Variants in TTC34 observed in about 807,000 individuals in gnomAD.
TTC34 encodes the protein tetratricopeptide repeat domain 34.
In TTC34, 44 loss-of-function variants were observed where a neutral mutation model predicts 40.7. The observed-to-expected ratio is 1.08, with a 90% confidence interval of 0.85 to 1.39. The LOEUF is 1.39. Among genes scored for constraint, TTC34 ranks in the 40% most tolerant of loss-of-function variants. The probability of loss-of-function intolerance (pLI) is 0.00; values close to 1 mark genes in which losing one functional copy is unlikely to be tolerated. For missense variants in TTC34, 884 were observed against 838.0 expected (o/e 1.05, Z -0.68); for synonymous variants, 422 against 398.6 (o/e 1.06, Z -0.70).
intron 6 of TTC34, among the ~76,000 whole-genome samples, chr1:2,683,538 G>T (rs557063618): frequency 1.4e-5 from 2 of 147,608 alleles, no homozygotes; most frequent in African/African-American, 2.6e-5. Context: ...TGATGGTCTG[G>T]AGCAGCACCC....
chr1:2,686,074 C>A (rs1217550608), intron 6 of TTC34, among the ~76,000 whole-genome samples: 1 of 125,066 alleles, frequency 8.0e-6, no homozygotes. Flanking sequence ...TGGAGAAGCA[C>A]CCACACCCCC....
intron 6 of TTC34, among the ~76,000 whole-genome samples, chr1:2,692,419 C>CT (rs1429770678): frequency 9.6e-6 from 1 of 103,914 alleles, no homozygotes. Context: ...GAGCAGCACC[C>CT]ACACCCCCAG....
At chr1:2,682,008 C>T (rs1328133348) in intron 6 of TTC34, among the ~76,000 whole-genome samples, 1 of 120,028 alleles carries the variant, frequency 8.3e-6, no homozygotes, top group South Asian at 2.8e-4. Flanking sequence ...ATCAGACAGC[C>T]TGGAACAACA....
At chr1:2,640,610 C>T (rs1033740072) in exon 9 of TTC34, 1 of 152,154 alleles carries the variant, frequency 6.6e-6, no homozygotes, top group Non-Finnish European at 1.5e-5. Flanking sequence ...GGGGTATGGG[C>T]TGGCTGGGCC....
At chr1:2,778,561 T>A in intron 6 of TTC34, among the ~76,000 whole-genome samples, 1 of 152,182 alleles carries the variant, frequency 6.6e-6, no homozygotes, top group East Asian at 1.9e-4. Flanking sequence ...GAGGAACCAC[T>A]GTTCAGCCAC....
intron 6 of TTC34, among the ~76,000 whole-genome samples, chr1:2,690,457 C>G (rs1192838536): frequency 6.9e-6 from 1 of 144,010 alleles, no homozygotes; most frequent in South Asian, 2.1e-4. Flanking sequence ...ACAGCACCCA[C>G]AACCACAGGT....
chr1:2,690,587 G>A (rs71241391), intron 6 of TTC34, among the ~76,000 whole-genome samples: 2 of 120,576 alleles, frequency 1.7e-5, no homozygotes, highest in Non-Finnish European at 3.6e-5. Context: ...CACCCCCAGG[G>A]GAGCATCTGA....
At chr1:2,752,818 C>A (rs1462289399) in intron 6 of TTC34, among the ~76,000 whole-genome samples, 1 of 134,200 alleles carries the variant, frequency 7.5e-6, no homozygotes, top group Admixed American at 7.6e-5. Flanking sequence ...CCTGCATCCC[C>A]AGGTGCGCAC....
intron 6 of TTC34, among the ~76,000 whole-genome samples, chr1:2,651,340 G>C (rs1639128386): frequency 6.6e-6 from 1 of 151,942 alleles, no homozygotes; most frequent in Admixed American, 6.6e-5. Context: ...TGACAGCATT[G>C]AATGGCACCC....
chr1:2,695,795 C>G (rs796719624), intron 6 of TTC34, among the ~76,000 whole-genome samples: 6 of 96,666 alleles, frequency 6.2e-5, no homozygotes, highest in Admixed American at 1.0e-4. Flanking sequence ...AGCACGCACA[C>G]CCCCAGTTGA....
intron 6 of TTC34, among the ~76,000 whole-genome samples, chr1:2,677,926 CCTG>C (rs1557602213): frequency 1.3e-4 from 5 of 39,994 alleles, no homozygotes; most frequent in Admixed American, 2.7e-4. Context: ...GGAGCAGCAC[CCTG>C]CACCCCCAGG....
At chr1:2,683,202 C>T (rs1343279250) in intron 6 of TTC34, among the ~76,000 whole-genome samples, 1 of 146,568 alleles carries the variant, frequency 6.8e-6, no homozygotes, top group African/African-American at 2.5e-5. Flanking sequence ...CACAGGCGAG[C>T]ATCTGAGAGC....
In TTC34 at chr1:2,775,860, G is replaced by A. The variant is rs1190674562; in HGVS notation, c.2226+7749C>T. On this transcript the variant is annotated intron_variant, in intron 6 of 8. Coordinates refer to ENST00000401095, the Ensembl canonical transcript of TTC34. Reference sequence around the variant, plus strand: ...TGGGTGAGGATGCTCACCTGAGGTTGGGAGTGCCAGTCCAGGCTGCCAGAT... The same window carrying A: ...TGGGTGAGGATGCTCACCTGAGGTTAGGAGTGCCAGTCCAGGCTGCCAGAT... Among the ~76,000 whole-genome samples the A allele has an allele frequency of 1.0e-4, 15 of 143,006 alleles. 2 individuals are homozygous for A. The highest frequency in any genetic ancestry group is 4.1e-4 in the African/African-American group (14 of 34,464). The allele number at this position is 143,006 out of a possible 152,430, so 93.8% of individuals were successfully genotyped here. A position where few individuals can be genotyped will look rare whatever the true frequency, so the allele number is the denominator to read the frequency against.
chr1:2,749,398 C>G (rs1569685913), intron 6 of TTC34, among the ~76,000 whole-genome samples: 8 of 130,044 alleles, frequency 6.2e-5, no homozygotes, highest in African/African-American at 1.6e-4. Flanking sequence ...GAACAGCACC[C>G]TGCACCCCCA....
At chr1:2,779,497 G>A (rs1227470720) in intron 6 of TTC34, among the ~76,000 whole-genome samples, 1 of 151,962 alleles carries the variant, frequency 6.6e-6, no homozygotes, top group Non-Finnish European at 1.5e-5. Flanking sequence ...CTAACTTTTT[G>A]TATTTTTAGT....
intron 6 of TTC34, among the ~76,000 whole-genome samples, chr1:2,772,551 G>A (rs569861865): frequency 7.6e-5 from 1 of 13,090 alleles, no homozygotes; most frequent in African/African-American, 2.0e-4. Context: ...GCATCTCACA[G>A]CCTGCAGCAG....
At chr1:2,639,523 A>C (rs1638856443) in exon 9 of TTC34, 1 of 152,616 alleles carries the variant, frequency 6.6e-6, no homozygotes, top group Non-Finnish European at 1.5e-5. Context: ...CTCAGTGCCG[A>C]CTGGCCCACC....
exon 9 of TTC34, chr1:2,640,443 C>T (rs1638877915): frequency 6.6e-6 from 1 of 152,120 alleles, no homozygotes; most frequent in Non-Finnish European, 1.5e-5. Flanking sequence ...CTTCGGGAGA[C>T]AGGTCTGGTG....
intron 2 of TTC34, among the ~76,000 whole-genome samples, chr1:2,798,108 G>A (rs1643728776): frequency 1.5e-5 from 2 of 134,444 alleles, no homozygotes; most frequent in Admixed American, 7.5e-5. Flanking sequence ...AAGCCTCTGA[G>A]CCCCTCAGCT....
Sources: gnomAD v4.1 joint callset for allele counts (sites outside exome capture counted in the v4.1 genomes callset) on GRCh38, gnomAD v4.1.1 for gene constraint, MANE v1.5 for transcripts, NCBI Gene and HGNC (gene_info 2026-07-23, HGNC 2026-07-21) for gene names.